Variants in NRXN1 observed in about 807,000 individuals in gnomAD.
The protein encoded by NRXN1 is neurexin-1.
NRXN1 carries 39 observed loss-of-function variants against 150.9 expected under a neutral mutation model. The observed-to-expected ratio is 0.26, with a 90% CI of 0.20 to 0.34. NRXN1 has a LOEUF of 0.34. Ranked by LOEUF, NRXN1 falls within the 10% of genes least tolerant of loss-of-function variation. NRXN1 has a pLI of 1.00. For synonymous variants in NRXN1, 924 were observed against 757.0 expected (o/e 1.22, Z -3.62); for missense variants, 1,815 against 1,949.9 (o/e 0.93, Z 1.30).
intron 17 of NRXN1, among the ~76,000 whole-genome samples, chr2:50,342,786 C>G (rs555623484): frequency 1.3e-5 from 2 of 152,346 alleles, no homozygotes; most frequent in East Asian, 3.9e-4. Context: ...TTAAAAACCT[C>G]TGAGCTCATA....
At chr2:50,620,649 C>T (rs1164749183) in intron 7 of NRXN1, among the ~76,000 whole-genome samples, 1 of 152,066 alleles carries the variant, frequency 6.6e-6, no homozygotes, top group Non-Finnish European at 1.5e-5. Flanking sequence ...TATTGAGCAG[C>T]AATTGTTCAG....
At chr2:50,303,204 C>G (rs1359847014) in intron 17 of NRXN1, among the ~76,000 whole-genome samples, 1 of 152,138 alleles carries the variant, frequency 6.6e-6, no homozygotes, top group East Asian at 1.9e-4. Context: ...TCACAGCTAT[C>G]TGCATAATTA....
At chr2:50,876,249 A>T (rs1678573967) in intron 5 of NRXN1, among the ~76,000 whole-genome samples, 1 of 151,780 alleles carries the variant, frequency 6.6e-6, no homozygotes, top group Non-Finnish European at 1.5e-5. Context: ...ACCTAACTGA[A>T]AATATGGCAA....
intron 2 of NRXN1, among the ~76,000 whole-genome samples, chr2:51,023,889 T>G (rs542268579): frequency 6.6e-6 from 1 of 152,200 alleles, no homozygotes; most frequent in South Asian, 2.1e-4. Context: ...ACATGTTCAG[T>G]GACATTAAAC....
intron 5 of NRXN1, among the ~76,000 whole-genome samples, chr2:50,826,120 A>C (rs1329980032): frequency 6.6e-6 from 1 of 152,128 alleles, no homozygotes; most frequent in Non-Finnish European, 1.5e-5. Context: ...AAGAAACCAG[A>C]AGATGTGGTT....
At chr2:50,598,191 C>T (rs1460676550) in intron 8 of NRXN1, among the ~76,000 whole-genome samples, 2 of 151,538 alleles carry the variant, frequency 1.3e-5, no homozygotes, top group Non-Finnish European at 2.9e-5. Flanking sequence ...GGTGAATTTA[C>T]AGAACAAATA....
intron 12 of NRXN1, among the ~76,000 whole-genome samples, chr2:50,527,407 G>A (rs537820631): frequency 2.6e-5 from 4 of 152,246 alleles, no homozygotes; most frequent in South Asian, 4.1e-4. Flanking sequence ...TTCCGCTTAC[G>A]TGAGAGCTTT....
At chr2:50,985,585 C>A (rs1697564487) in intron 2 of NRXN1, among the ~76,000 whole-genome samples, 1 of 151,438 alleles carries the variant, frequency 6.6e-6, no homozygotes, top group Non-Finnish European at 1.5e-5. Context: ...AAAGAATTAA[C>A]TGAAATGTAC....
intron 17 of NRXN1, among the ~76,000 whole-genome samples, chr2:50,249,217 G>A (rs959101379): frequency 1.3e-5 from 2 of 151,308 alleles, no homozygotes; most frequent in Non-Finnish European, 2.9e-5. Context: ...AAAAGGCAGG[G>A]GATGGTGATA....
At chr2:50,577,233 T>C (rs1195283281) in intron 8 of NRXN1, among the ~76,000 whole-genome samples, 1 of 152,118 alleles carries the variant, frequency 6.6e-6, no homozygotes, top group African/African-American at 2.4e-5. Flanking sequence ...AATTAGAACA[T>C]TCATTTTTTG....
intron 18 of NRXN1, among the ~76,000 whole-genome samples, chr2:50,182,767 A>G (rs927567277): frequency 2.0e-5 from 3 of 152,112 alleles, no homozygotes; most frequent in African/African-American, 7.2e-5. Flanking sequence ...TATAAAAAGA[A>G]AGTTATTTCA....
chr2:50,383,459 CT>C (rs1015170259), intron 17 of NRXN1, among the ~76,000 whole-genome samples: 3 of 152,072 alleles, frequency 2.0e-5, no homozygotes, highest in African/African-American at 7.2e-5. Context: ...AAAAAAAATT[CT>C]TTTAAAGTTT....
At chr2:50,267,690 A>G (rs951154195) in intron 17 of NRXN1, among the ~76,000 whole-genome samples, 3 of 152,226 alleles carry the variant, frequency 2.0e-5, no homozygotes, top group Non-Finnish European at 4.4e-5. Context: ...ATAGGGAACG[A>G]AAATCTTACA....
At chr2:50,600,282 A>G (rs1676026849) in intron 8 of NRXN1, among the ~76,000 whole-genome samples, 1 of 152,070 alleles carries the variant, frequency 6.6e-6, no homozygotes, top group Non-Finnish European at 1.5e-5. Context: ...TAAACAAAAA[A>G]AAATAGAAAA....
chr2:50,722,260 C>T lies in NRXN1; in HGVS notation c.833-98645G>A, dbSNP rs185939700. Among the ~76,000 whole-genome samples the T allele has an allele frequency of 2.6e-5, 4 of 152,198 alleles. 1 individual carries two copies. The highest frequency in any genetic ancestry group is 9.6e-5 in the African/African-American group (4 of 41,542). ...AATATGGAACCCCAAAATTGAGGGT[C>T]TTCACAGCAAAAGGAGGTGATAAAC... On this transcript the variant is annotated intron_variant, in intron 5 of 22. Transcript: ENST00000401669.
chr2:49,974,269 C>T (rs1678534299), intron 21 of NRXN1: 1 of 600,064 alleles, frequency 1.7e-6, no homozygotes, highest in African/African-American at 1.8e-5. Context: ...AGGGATGCTG[C>T]AGTTCCGTCT....
chr2:50,484,345 C>T (rs2090712236), intron 15 of NRXN1, among the ~76,000 whole-genome samples: 1 of 152,148 alleles, frequency 6.6e-6, no homozygotes, highest in Non-Finnish European at 1.5e-5. Context: ...TCATCACATC[C>T]AGTTGCTATA....
chr2:50,104,160 A>G (rs1401193982), intron 18 of NRXN1, among the ~76,000 whole-genome samples: 1 of 152,058 alleles, frequency 6.6e-6, no homozygotes, highest in Non-Finnish European at 1.5e-5. Context: ...ACTGGAGTAC[A>G]AAAGACATCT....
intron 5 of NRXN1, among the ~76,000 whole-genome samples, chr2:50,686,724 T>C (rs1048328029): frequency 5.9e-5 from 9 of 152,162 alleles, no homozygotes; most frequent in Non-Finnish European, 1.5e-5. Context: ...GAAAGTACAA[T>C]AGCGTTAAAG....
Sources: gnomAD v4.1 joint callset for allele counts (sites outside exome capture counted in the v4.1 genomes callset) on GRCh38, gnomAD v4.1.1 for gene constraint, MANE v1.5 for transcripts, NCBI Gene and HGNC (gene_info 2026-07-23, HGNC 2026-07-21) for gene names.